The following SCEL variants were observed in gnomAD, a reference collection of about 807,000 sequenced individuals.
SCEL encodes the protein sciellin.
SCEL carries 113 observed loss-of-function variants against 117.6 expected under a neutral mutation model. That is an observed-to-expected ratio of 0.96 (90% CI 0.83 to 1.12). The LOEUF (loss-of-function observed/expected upper bound fraction) is 1.12, where lower values mean the gene tolerates loss of function less well. Among genes scored for constraint, SCEL ranks in the 50% most tolerant of loss-of-function variants. The probability of loss-of-function intolerance (pLI) is 0.00; values close to 1 mark genes in which losing one functional copy is unlikely to be tolerated. For missense variants in SCEL, 785 were observed against 810.8 expected, an observed-to-expected ratio of 0.97 and a Z score of 0.39; for synonymous variants, 270 against 256.2, an observed-to-expected ratio of 1.05 and a Z score of -0.51.
At chr13:77,634,512 A>C (rs2154406528) in intron 29 of SCEL, 62 bp downstream of exon 29, 1 of 1,192,730 alleles carries the variant, frequency 8.4e-7, no homozygotes, top group Middle Eastern at 2.2e-4. Flanking sequence ...ATCTATGTTT[A>C]ATAAGAGATG....
chr13:77,637,980 A>G (rs2090385525), intron 30 of SCEL, among the ~76,000 whole-genome samples: 1 of 152,228 alleles, frequency 6.6e-6, no homozygotes, highest in Non-Finnish European at 1.5e-5. Flanking sequence ...AATGAAAATA[A>G]ATAATTAGTA....
At position 77,628,006 on chromosome 13, in the gene SCEL, GA is replaced by G; in HGVS notation, c.1690del (p.Ser564AlafsTer67). 6.7e-7 allele frequency: 1 copy of G among 1,489,602 alleles called. No homozygotes were observed. The allele number at this position is 1,489,602 out of a possible 1,614,324, so 92.3% of individuals were successfully genotyped here. A position where few individuals can be genotyped will look rare whatever the true frequency, so the allele number is the denominator to read the frequency against. Reference protein sequence around the residue: ...VNSHVSENKNGSSNTGAKQAG... With the variant: ...VNSHVSENKNXSSNTGAKQAG... ...TCTCATGTGTCTGAAAACAAGAATGGAAGGTAAAGCTTATTATAATTCACTT... is the reference window on the plus strand; with the variant it reads ...TCTCATGTGTCTGAAAACAAGAATGGAGGTAAAGCTTATTATAATTCACTT... On this transcript the variant is annotated frameshift_variant and splice_region_variant, in exon 28 of 33. Coordinates refer to ENST00000349847, the MANE Select transcript of SCEL (RefSeq NM_144777.3). LOFTEE classifies it high-confidence loss of function.
intron 27 of SCEL, chr13:77,623,268 A>G (rs752064007): frequency 6.6e-6 from 1 of 152,238 alleles, no homozygotes; most frequent in African/African-American, 2.4e-5. Flanking sequence ...GATGGCATCA[A>G]TCAGAGTGAA....
At chr13:77,594,306 A>G (rs1277767979) in intron 12 of SCEL, among the ~76,000 whole-genome samples, 2 of 152,230 alleles carry the variant, frequency 1.3e-5, no homozygotes, top group African/African-American at 4.8e-5. Flanking sequence ...CTCCAGCCTC[A>G]CATTCCAGTT....
intron 12 of SCEL, among the ~76,000 whole-genome samples, chr13:77,594,446 C>T (rs2087104367): frequency 6.6e-6 from 1 of 152,194 alleles, no homozygotes; most frequent in African/African-American, 2.4e-5. Flanking sequence ...GCCACCATGC[C>T]AATCCATCCA....
At chr13:77,602,194 G>C in intron 16 of SCEL, 70 bp downstream of exon 16, 1 of 1,275,906 alleles carries the variant, frequency 7.8e-7, no homozygotes, top group South Asian at 1.4e-5. Flanking sequence ...TTAGGAATGG[G>C]AGTGTTATGC....
In SCEL at chr13:77,644,308, C is replaced by T. The variant is rs199698710; in HGVS notation, c.*34C>T. 589 of 1,606,672 alleles carry T rather than the reference C, an allele frequency of 3.7e-4. 3 individuals carry two copies. The highest frequency in any genetic ancestry group is 4.3e-5 in the Non-Finnish European group (51 of 1,174,078). On this transcript the variant is annotated 3_prime_UTR_variant, in exon 33 of 33. Coordinates refer to ENST00000349847, the MANE Select transcript of SCEL (RefSeq NM_144777.3). ...CAAGGAAATCAAGATGAAAAGCACT[C>T]ATTAAGGAATTAAAGTTACAAGTTT...
At chr13:77,566,236 T>C (rs900895304) in intron 5 of SCEL, among the ~76,000 whole-genome samples, 1 of 152,140 alleles carries the variant, frequency 6.6e-6, no homozygotes, top group African/African-American at 2.4e-5. Context: ...CAGTGAACGA[T>C]TTGGGAGATA....
chr13:77,612,419 A>G (rs1293739343), intron 22 of SCEL, among the ~76,000 whole-genome samples: 1 of 147,706 alleles, frequency 6.8e-6, no homozygotes, highest in African/African-American at 2.5e-5. Context: ...TATTACCTGC[A>G]TAACTTAGAA....
rs1412202951 is a variant in SCEL, at chr13:77,571,613, C to T, written c.480-511C>T. ...CTGAGGCAGGAGAACTGCTTGAACC[C>T]GGGAGACGGAAGTTGTGGTGAGCGG... On this transcript the variant is annotated intron_variant, in intron 8 of 32. Transcript: ENST00000349847. 2.0e-5 allele frequency among the ~76,000 whole-genome samples: 3 copies of T among 151,402 alleles called. No individual in the cohort carries two copies. In the South Asian group the frequency reaches 6.2e-4, roughly 31 times the overall value.
intron 30 of SCEL, among the ~76,000 whole-genome samples, chr13:77,639,730 A>G (rs951536257): frequency 6.6e-6 from 1 of 152,194 alleles, no homozygotes; most frequent in Non-Finnish European, 1.5e-5. Context: ...AAGTGAGTAT[A>G]TAAGTGCAGA....
intron 1 of SCEL, among the ~76,000 whole-genome samples, chr13:77,545,434 T>C (rs1363093443): frequency 6.6e-6 from 1 of 152,190 alleles, no homozygotes; most frequent in Non-Finnish European, 1.5e-5. Context: ...TTTGAGAGAC[T>C]AGTAATCCCT....
At chr13:77,552,987 T>A (rs1213332167) in intron 1 of SCEL, among the ~76,000 whole-genome samples, 1 of 152,190 alleles carries the variant, frequency 6.6e-6, no homozygotes, top group Admixed American at 6.5e-5. Context: ...ATTGCTTGTT[T>A]TTCTCAGGTT....
intron 1 of SCEL, among the ~76,000 whole-genome samples, chr13:77,537,345 C>T (rs1444946161): frequency 3.9e-5 from 6 of 152,124 alleles, no homozygotes; most frequent in Non-Finnish European, 5.9e-5. Flanking sequence ...AACCAGAGCA[C>T]GATGCCAGAT....
At chr13:77,575,021 T>C (rs896190892) in intron 9 of SCEL, among the ~76,000 whole-genome samples, 1 of 152,190 alleles carries the variant, frequency 6.6e-6, no homozygotes, top group African/African-American at 2.4e-5. Context: ...GCAGCACACT[T>C]GAAAAGACCA....
chr13:77,593,259 A>AGTGTGTGTGTGTGT (rs4052543), intron 11 of SCEL, among the ~76,000 whole-genome samples: 50 of 111,162 alleles, frequency 4.5e-4, no homozygotes, highest in East Asian at 3.4e-3. Flanking sequence ...AACAGAGGGG[A>AGTGTGTGTGTGTGT]GTGTGTGTGT....
Position 77,640,787 on chromosome 13 carries a change from A to G in SCEL, c.1947+3A>G. ...GCTGCCATTCTACTTGCTTTAAGGT[A>G]AGGATGTGTTTATTTCACTTAATTA... On this transcript the variant is annotated splice_donor_region_variant and intron_variant, in intron 31 of 32. Coordinates refer to ENST00000349847, the MANE Select transcript of SCEL (RefSeq NM_144777.3). 1 of 1,400,424 alleles carries G rather than the reference A, an allele frequency of 7.1e-7. No individual in the cohort carries two copies. Among genetic ancestry groups the G allele is most frequent in the Non-Finnish European group, 1.0e-6 (1 of 994,358 alleles). The allele number at this position is 1,400,424 out of a possible 1,614,324, so 86.7% of individuals were successfully genotyped here.
intron 9 of SCEL, among the ~76,000 whole-genome samples, chr13:77,582,377 C>CCA (rs1315854280): frequency 6.6e-6 from 1 of 151,746 alleles, no homozygotes; most frequent in African/African-American, 2.4e-5. Context: ...CAGGTGCGTG[C>CCA]CACCACGCCT....
chr13:77,634,237 C>A, intron 28 of SCEL, 142 bp from the exon 29 acceptor site: 2 of 721,734 alleles, frequency 2.8e-6, no homozygotes, highest in Non-Finnish European at 4.6e-6. Flanking sequence ...TGTGTTAATA[C>A]CACTCTAACA....
Sources: gnomAD v4.1 joint callset for allele counts (sites outside exome capture counted in the v4.1 genomes callset) on GRCh38, gnomAD v4.1.1 for gene constraint, MANE v1.5 for transcripts, NCBI Gene and HGNC (gene_info 2026-07-23, HGNC 2026-07-21) for gene names.